Variants in ZRANB3 observed in about 807,000 individuals in gnomAD.
ZRANB3 encodes the protein DNA annealing helicase and endonuclease ZRANB3.
In ZRANB3, 125 loss-of-function variants were observed where a neutral mutation model predicts 133.8. The ratio of observed to expected loss-of-function variants is 0.93; its 90% CI spans 0.81 to 1.08. ZRANB3 has a LOEUF of 1.08. Ranked by LOEUF, ZRANB3 falls within the 50% of genes least tolerant of loss-of-function variation. The probability of loss-of-function intolerance (pLI) is 0.00; values close to 1 mark genes in which losing one functional copy is unlikely to be tolerated. For missense variants in ZRANB3, 1,229 were observed against 1,275.5 expected (o/e 0.96, Z 0.56); for synonymous variants, 387 against 432.7 (o/e 0.89, Z 1.31).
chr2:135,461,833 C>A (rs1036406045), intron 2 of ZRANB3, among the ~76,000 whole-genome samples: 3 of 151,976 alleles, frequency 2.0e-5, no homozygotes, highest in African/African-American at 7.3e-5. Context: ...TCTTCACTAG[C>A]AAAATGGAAA....
rs1414806069 is a variant in ZRANB3, at chr2:135,504,326, T to C, written c.161+3A>G. 6 of 1,613,212 alleles carry C rather than the reference T, an allele frequency of 3.7e-6. No individual in the cohort carries two copies. The highest frequency in any genetic ancestry group is 1.3e-5 in the African/African-American group (1 of 74,892). ...TTTTTAGCATGTCTTCAAAGAACTTTACCTGCCATTTCTTTTGAGGGCAAA... is the reference window on the plus strand; with the variant it reads ...TTTTTAGCATGTCTTCAAAGAACTTCACCTGCCATTTCTTTTGAGGGCAAA... On this transcript the variant is annotated splice_donor_region_variant and intron_variant, in intron 2 of 20. Transcript: ENST00000264159.
At chr2:135,322,813 G>GT (rs1683597539) in intron 6 of ZRANB3, among the ~76,000 whole-genome samples, 3 of 151,882 alleles carry the variant, frequency 2.0e-5, no homozygotes, top group Admixed American at 2.0e-4. Flanking sequence ...GGTCAGGAGT[G>GT]TAAGACCAGC....
intron 2 of ZRANB3, among the ~76,000 whole-genome samples, chr2:135,468,106 C>T (rs1297007059): frequency 6.6e-6 from 1 of 152,170 alleles, no homozygotes; most frequent in Non-Finnish European, 1.5e-5. Context: ...TTAGTGACAC[C>T]TTAATGCTTA....
chr2:135,468,838 G>T (rs1691121335), intron 2 of ZRANB3, among the ~76,000 whole-genome samples: 2 of 152,174 alleles, frequency 1.3e-5, no homozygotes, highest in Admixed American at 6.5e-5. Context: ...TCAGTGGAGA[G>T]AACTAAGGAT....
chr2:135,268,907 T>C (rs1424831673), intron 11 of ZRANB3, 55 bp downstream of exon 11: 3 of 1,499,710 alleles, frequency 2.0e-6, no homozygotes, highest in African/African-American at 2.8e-5. Context: ...TTAACTCACA[T>C]TGGCTATGGT....
At chr2:135,320,239 G>C (rs1252027524) in intron 6 of ZRANB3, among the ~76,000 whole-genome samples, 1 of 152,196 alleles carries the variant, frequency 6.6e-6, no homozygotes, top group Non-Finnish European at 1.5e-5. Flanking sequence ...AAGGTCCATA[G>C]TTGCATGGGA....
rs552092362 is a variant in ZRANB3, at chr2:135,366,937, C to T, written c.181-13309G>A. 2.9e-3 allele frequency among the ~76,000 whole-genome samples: 444 copies of T among 152,130 alleles called. 4 individuals carry two copies. The highest frequency in any genetic ancestry group is 1.8e-3 in the Non-Finnish European group (122 of 68,012). ...TCAGGAGGCTGAGGCAGGAGAATGGCGTCAACCCGGGAGGCAGAGCTTGCA... is the reference window on the plus strand; with the variant it reads ...TCAGGAGGCTGAGGCAGGAGAATGGTGTCAACCCGGGAGGCAGAGCTTGCA... On this transcript the variant is annotated intron_variant, in intron 3 of 20. Coordinates refer to ENST00000264159, the MANE Select transcript of ZRANB3 (RefSeq NM_032143.4).
rs141492735 is a variant in ZRANB3, at chr2:135,253,298, G to A, written c.1539+12236C>T. On this transcript the variant is annotated intron_variant, in intron 12 of 20. Transcript: ENST00000264159. ...AAAGCAAAGGAGAGGCATGCCTCCT[G>A]GGGGAACAGTAACTCACCTACCTTG... Among the ~76,000 whole-genome samples, 10 of 152,234 alleles carry A rather than the reference G, an allele frequency of 6.6e-5. No homozygotes were observed. The East Asian group carries it at 1.7e-3, about 27-fold the overall frequency.
At chr2:135,243,706 C>G (rs1313142679) in intron 12 of ZRANB3, among the ~76,000 whole-genome samples, 1 of 152,050 alleles carries the variant, frequency 6.6e-6, no homozygotes, top group Admixed American at 6.6e-5. Flanking sequence ...GCAGCCTTAG[C>G]CTTCTGGGCT....
chr2:135,250,216 G>A (rs183228867), intron 12 of ZRANB3, among the ~76,000 whole-genome samples: 2 of 152,148 alleles, frequency 1.3e-5, no homozygotes, highest in African/African-American at 4.8e-5. Context: ...GTGGAACTTT[G>A]AACTTGAGAG....
At chr2:135,514,185 A>G (rs1198347934) in intron 1 of ZRANB3, among the ~76,000 whole-genome samples, 1 of 152,096 alleles carries the variant, frequency 6.6e-6, no homozygotes, top group East Asian at 1.9e-4. Flanking sequence ...AAGAAAGTCA[A>G]TGGTAGCTTG....
At chr2:135,485,170 A>AACAT (rs1559030618) in intron 2 of ZRANB3, among the ~76,000 whole-genome samples, 3 of 139,320 alleles carry the variant, frequency 2.2e-5, no homozygotes, top group South Asian at 5.0e-4. Context: ...AAACAAAACA[A>AACAT]AACAAAACAA....
intron 11 of ZRANB3, among the ~76,000 whole-genome samples, chr2:135,268,257 T>C (rs1002483681): frequency 2.0e-5 from 3 of 152,076 alleles, no homozygotes; most frequent in Non-Finnish European, 4.4e-5. Flanking sequence ...CTCCACCTCC[T>C]AGCTTCAGGC....
At chr2:135,296,781 G>A (rs1433734248) in intron 8 of ZRANB3, among the ~76,000 whole-genome samples, 1 of 152,166 alleles carries the variant, frequency 6.6e-6, no homozygotes, top group East Asian at 1.9e-4. Flanking sequence ...CTGTTTGTTA[G>A]TTTTCCTTCT....
At chr2:135,443,199 A>G (rs1447750492) in intron 2 of ZRANB3, among the ~76,000 whole-genome samples, 1 of 152,170 alleles carries the variant, frequency 6.6e-6, no homozygotes, top group Non-Finnish European at 1.5e-5. Flanking sequence ...CAGCCATAAA[A>G]AAGGACGAGT....
intron 17 of ZRANB3, among the ~76,000 whole-genome samples, chr2:135,209,931 CTATTT>C (rs1310344539): frequency 6.6e-6 from 1 of 151,984 alleles, no homozygotes; most frequent in East Asian, 1.9e-4. Context: ...TTTTAATAAA[CTATTT>C]TATTAATTTT....
At chr2:135,421,187 T>A (rs1054732071) in intron 2 of ZRANB3, among the ~76,000 whole-genome samples, 1 of 152,182 alleles carries the variant, frequency 6.6e-6, no homozygotes, top group Admixed American at 6.5e-5. Context: ...AAGAATATAA[T>A]TTACTTCTTG....
At chr2:135,338,532 A>G (rs1388151187) in intron 6 of ZRANB3, among the ~76,000 whole-genome samples, 1 of 152,238 alleles carries the variant, frequency 6.6e-6, no homozygotes, top group Non-Finnish European at 1.5e-5. Context: ...AGAGGCTACC[A>G]TGTTGACAAT....
At chr2:135,277,857 G>A (rs1680913404) in intron 8 of ZRANB3, among the ~76,000 whole-genome samples, 1 of 151,184 alleles carries the variant, frequency 6.6e-6, no homozygotes, top group East Asian at 1.9e-4. Flanking sequence ...CCTGGGAGGT[G>A]GAGGTTGCAG....
Sources: allele counts gnomAD v4.1 joint callset (sites outside exome capture counted in the v4.1 genomes callset), GRCh38; gene constraint gnomAD v4.1.1; transcripts MANE v1.5; gene names NCBI Gene and HGNC (gene_info 2026-07-23, HGNC 2026-07-21).